Variants in ERFL observed in about 807,000 individuals in gnomAD.
The protein encoded by ERFL is ETS repressor factor like.
Under a neutral mutation model 27.9 loss-of-function variants are expected in ERFL, and 8 were observed. That is an observed-to-expected ratio of 0.29 (90% CI 0.17 to 0.52). The LOEUF is 0.52. ERFL is among the 20% of genes least tolerant of loss of function. The pLI is 0.97. For synonymous variants in ERFL, 174 were observed against 202.8 expected (o/e 0.86, Z 1.21); for missense variants, 294 against 444.4 (o/e 0.66, Z 3.04).
chr19:41,913,956 G>A (rs1183521078), intron 1 of ERFL, among the ~76,000 whole-genome samples: 1 of 146,866 alleles, frequency 6.8e-6, no homozygotes, highest in African/African-American at 2.5e-5. Flanking sequence ...AGACCCCCCA[G>A]ACGCTCTCAA....
chr19:41,922,817 T>C (rs2074850042), intron 1 of ERFL, among the ~76,000 whole-genome samples: 1 of 152,200 alleles, frequency 6.6e-6, no homozygotes, highest in Non-Finnish European at 1.5e-5. Flanking sequence ...CAATAAATTA[T>C]TGTGACAAGA....
intron 1 of ERFL, 55 bp downstream of exon 1, chr19:41,927,985 G>T (rs1194527042): frequency 6.6e-6 from 1 of 150,782 alleles, no homozygotes; most frequent in Non-Finnish European, 1.5e-5. Flanking sequence ...CCCCCTCCTG[G>T]GGCGGGAATC....
At chr19:41,919,476 C>A (rs1311948199) in intron 1 of ERFL, among the ~76,000 whole-genome samples, 2 of 151,882 alleles carry the variant, frequency 1.3e-5, no homozygotes, top group African/African-American at 4.8e-5. Context: ...ACATTCAGCT[C>A]CTACAAATTA....
Position 41,910,021 on chromosome 19 carries a change from G to A in ERFL, c.144C>T (p.Ile48=). The A allele has an allele frequency of 6.2e-7, 1 of 1,613,690 alleles. No individual in the cohort carries two copies. Among genetic ancestry groups the A allele is most frequent in the Non-Finnish European group, 8.5e-7 (1 of 1,179,968 alleles). The change falls in exon 3 of 6, where the codon ATC becomes ATT. Residue 48 remains isoleucine (I), a synonymous_variant. Coordinates refer to ENST00000597630, the MANE Select transcript of ERFL (RefSeq NM_001365103.2). The surrounding 1 kb of genome is among the most constrained non-coding windows in gnomAD (Gnocchi z 4.4). ...ACTCCTCCTTCTGCAGCAGCTCCAG[G>A]ATAAAGTGCCACAGCTGGATCTGCC... ...GSRQIQLWHF[I]LELLQKEEYQ... is the part of the protein sequence containing the mutation.
At position 41,910,953 on chromosome 19, in the gene ERFL, C is replaced by T. The variant is rs1568829836; in HGVS notation, c.68-856G>A. 6.6e-6 allele frequency among the ~76,000 whole-genome samples: 1 copy of T among 152,166 alleles called. No individual in the cohort carries two copies. Among genetic ancestry groups the T allele is most frequent in the Non-Finnish European group, 1.5e-5 (1 of 68,044 alleles). ...CAACACAGAATTACACATCTCAAGA[C>T]TGGGACTTACTAACAACACAAATGC... On this transcript the variant is annotated intron_variant, in intron 2 of 5. Transcript: ENST00000597630. The surrounding 1 kb of genome is among the most constrained non-coding windows in gnomAD (Gnocchi z 4.4).
Position 41,909,311 on chromosome 19 carries a change from C to T in ERFL, c.463G>A (p.Ala155Thr), listed in dbSNP as rs544928829. ...LLLTPSPFGGAPGPDAPPLTP... is the reference protein window; with the variant it reads ...LLLTPSPFGGTPGPDAPPLTP... ...AGGGGAGGAGCATCTGGCCCTGGGG[C>T]CCCCCCAAAGGGACTGGGGGTCAGC... Residue 155 changes from alanine (A) to threonine (T), a missense_variant, in exon 4 of 6, where the codon GCC (alanine) becomes ACC (threonine). Ala to Thr is a moderately conservative substitution (Grantham distance 58, BLOSUM62 0). This residue lies in a region of ERFL where 246 missense variants were observed against 371.4 expected (regional missense o/e 0.66). Transcript: ENST00000597630. This position sits in a 1 kb window ranked among gnomAD's most constrained non-coding sequence, Gnocchi z 5.2. 16 of 1,234,662 alleles carry T rather than the reference C, an allele frequency of 1.3e-5. No individual in the cohort carries two copies. The East Asian group carries it at 3.8e-4, about 29-fold the overall frequency. The allele number at this position is 1,234,662 out of a possible 1,614,324, so 76.5% of individuals were successfully genotyped here.
rs2074735035 is a variant in ERFL at position 41,908,845 on chromosome 19, G to A, written c.617-169C>T. Among the ~76,000 whole-genome samples the A allele has an allele frequency of 7.1e-6, 1 of 141,754 alleles. No individual in the cohort carries two copies. Among genetic ancestry groups the A allele is most frequent in the African/African-American group, 2.7e-5 (1 of 37,238 alleles). The allele number at this position is 141,754 out of a possible 152,430, so 93.0% of individuals were successfully genotyped here. A position where few individuals can be genotyped will look rare whatever the true frequency, so the allele number is the denominator to read the frequency against. On this transcript the variant is annotated intron_variant, in intron 5 of 5. Transcript: ENST00000597630. The surrounding 1 kb of genome is among the most constrained non-coding windows in gnomAD (Gnocchi z 6.7). Reference sequence around the variant, plus strand: ...TCCATCTCCTCCCACTCCCCCACTTGTCTTCCCATTCCTTAGGCACCCCTG... The same window carrying A: ...TCCATCTCCTCCCACTCCCCCACTTATCTTCCCATTCCTTAGGCACCCCTG...
chr19:41,923,359 G>A, intron 1 of ERFL: 1 of 351,854 alleles, frequency 2.8e-6, no homozygotes. Context: ...GAGAAACTGA[G>A]AGAGAGTCAG....
chr19:41,928,071 G>A lies in ERFL; in HGVS notation c.-45C>T, dbSNP rs1412674377. 1 of 152,166 alleles carries A rather than the reference G, an allele frequency of 6.6e-6. No individual in the cohort carries two copies. The highest frequency in any genetic ancestry group is 1.5e-5 in the Non-Finnish European group (1 of 68,044). The allele number at this position is 152,166 out of a possible 1,614,324, so 9.4% of individuals were successfully genotyped here. A position where few individuals can be genotyped will look rare whatever the true frequency, so the allele number is the denominator to read the frequency against. Reference sequence around the variant, plus strand: ...GGCTTTTCGCATCCGCTCCGGTCCGGGGAGAAGTGTTTAAAGTTCGGATCC... The same window carrying A: ...GGCTTTTCGCATCCGCTCCGGTCCGAGGAGAAGTGTTTAAAGTTCGGATCC... On this transcript the variant is annotated 5_prime_UTR_variant, in exon 1 of 6. Coordinates refer to ENST00000597630, the MANE Select transcript of ERFL (RefSeq NM_001365103.2).
chr19:41,914,090 C>T (rs1030230663), intron 1 of ERFL, among the ~76,000 whole-genome samples: 1 of 130,960 alleles, frequency 7.6e-6, no homozygotes, highest in Non-Finnish European at 1.6e-5. Flanking sequence ...CCCCTGGACA[C>T]TGGACAAAAC....
At position 41,909,970 on chromosome 19, in the gene ERFL, C is replaced by T. The variant is rs1568829489; in HGVS notation, c.195G>A (p.Gly65=). Residue 65 remains glycine (G), a synonymous_variant, in exon 3 of 6, where the codon GGG becomes GGA. Coordinates refer to ENST00000597630, the MANE Select transcript of ERFL (RefSeq NM_001365103.2). The surrounding 1 kb of genome is among the most constrained non-coding windows in gnomAD (Gnocchi z 5.2). ...EEYQGVIAWQ[G]DYGEFVIKDP... ...CTTTGATGACGAATTCCCCGTAGTCCCCCTGCCAGGCTATGACGCCCTGGT... is the reference window on the plus strand; with the variant it reads ...CTTTGATGACGAATTCCCCGTAGTCTCCCTGCCAGGCTATGACGCCCTGGT... 3 of 1,613,794 alleles carry T rather than the reference C, an allele frequency of 1.9e-6. No homozygotes were observed. The Admixed American group carries it at 5.0e-5, about 27-fold the overall frequency.
In ERFL at chr19:41,908,108, G is replaced by A. The variant is rs192948775; in HGVS notation, c.*120C>T. The A allele has an allele frequency of 3.8e-4, 281 of 730,868 alleles. No homozygotes were observed. In the African/African-American group the frequency reaches 4.7e-3, roughly 12 times the overall value. The allele number at this position is 730,868 out of a possible 1,614,324, so 45.3% of individuals were successfully genotyped here. A position where few individuals can be genotyped will look rare whatever the true frequency, so the allele number is the denominator to read the frequency against. The stretch of plus-strand genomic sequence containing the variant: ...GGGGCTGGGGAAGGAGACTGGGGCA[G>A]CAATGTGCCCAGACCTGGGAGGTGC... On this transcript the variant is annotated 3_prime_UTR_variant, in exon 6 of 6. Transcript: ENST00000597630. This position sits in a 1 kb window ranked among gnomAD's most constrained non-coding sequence, Gnocchi z 6.7.
At chr19:41,924,071 G>T (rs1205107007) in intron 1 of ERFL, among the ~76,000 whole-genome samples, 1 of 150,634 alleles carries the variant, frequency 6.6e-6, no homozygotes, top group Non-Finnish European at 1.5e-5. Flanking sequence ...TGGGGGAGGT[G>T]GGGGTGAGCA....
intron 1 of ERFL, among the ~76,000 whole-genome samples, chr19:41,924,537 G>A (rs1295906979): frequency 2.6e-5 from 4 of 152,028 alleles, no homozygotes; most frequent in African/African-American, 4.8e-5. Context: ...CCTCATTCTC[G>A]TTGTCGCCAT....
rs141361335 is a variant in ERFL at position 41,914,220 on chromosome 19, C to T, written c.-13-1288G>A. Among the ~76,000 whole-genome samples the T allele has an allele frequency of 2.7e-3, 401 of 151,232 alleles. 1 individual carries two copies. The highest frequency in any genetic ancestry group is 7.2e-3 in the Admixed American group (110 of 15,208). The stretch of plus-strand genomic sequence containing the variant: ...TCCCCTGTCCCAGGCCCCCTCTGTT[C>T]CCACACCTGTCTCCCCGTCTTTCTC... On this transcript the variant is annotated intron_variant, in intron 1 of 5. Transcript: ENST00000597630.
At chr19:41,925,002 G>A (rs781951808) in intron 1 of ERFL, among the ~76,000 whole-genome samples, 8 of 152,124 alleles carry the variant, frequency 5.3e-5, no homozygotes, top group Non-Finnish European at 8.8e-5. Context: ...AAGGGACTCC[G>A]GTCACATGGA....
At chr19:41,924,225 G>C (rs1203557871) in intron 1 of ERFL, among the ~76,000 whole-genome samples, 3 of 151,856 alleles carry the variant, frequency 2.0e-5, no homozygotes, top group African/African-American at 7.3e-5. Context: ...GGAGGGAGGA[G>C]GTCACCTGAG....
In ERFL at chr19:41,912,880, G is replaced by A. The variant is rs1050663090; in HGVS notation, c.40C>T (p.Pro14Ser). Residue 14 changes from proline (P) to serine (S), a missense_variant, in exon 2 of 6, where the codon CCC becomes TCC. Coordinates refer to ENST00000597630, the MANE Select transcript of ERFL (RefSeq NM_001365103.2). ...SCVSDLLFAP[P>S]ALPALWTPGF... ...GGGGTCCAGAGAGCCGGCAGGGCGG[G>A]CGGGGCGAAGAGAAGGTCGGAGACG... 11 of 1,231,210 alleles carry A rather than the reference G, an allele frequency of 8.9e-6. No individual in the cohort carries two copies. The highest frequency in any genetic ancestry group is 1.1e-5 in the Non-Finnish European group (11 of 987,664). 76.3% of individuals were successfully genotyped at this position (1,231,210 alleles called of 1,614,324 possible).
In ERFL at chr19:41,921,804, T is replaced by C. The variant is rs1320458629; in HGVS notation, c.-14+6236A>G. On this transcript the variant is annotated intron_variant, in intron 1 of 5. Coordinates refer to ENST00000597630, the MANE Select transcript of ERFL (RefSeq NM_001365103.2). This position sits in a 1 kb window ranked among gnomAD's most constrained non-coding sequence, Gnocchi z 4.4. ...TGGATTCCTCGTCCTCCGCCCCACCTCGCCCTTCTTCAGTCCTAGGAGGTT... is the reference window on the plus strand; with the variant it reads ...TGGATTCCTCGTCCTCCGCCCCACCCCGCCCTTCTTCAGTCCTAGGAGGTT... Among the ~76,000 whole-genome samples, 3 of 151,830 alleles carry C rather than the reference T, an allele frequency of 2.0e-5. No homozygotes were observed. The highest frequency in any genetic ancestry group is 4.4e-5 in the Non-Finnish European group (3 of 67,930).
Sources: allele counts gnomAD v4.1 joint callset (sites outside exome capture counted in the v4.1 genomes callset), GRCh38; gene constraint gnomAD v4.1.1; regional missense constraint gnomAD v4.1.1; non-coding constraint Gnocchi (gnomAD v3.1); transcripts MANE v1.5; gene names NCBI Gene and HGNC (gene_info 2026-07-23, HGNC 2026-07-21).